The following PKHD1 variants were observed in gnomAD, a reference collection of about 807,000 sequenced individuals.
PKHD1 encodes the protein fibrocystin.
A neutral mutation model predicts 412.0 loss-of-function variants in PKHD1; 291 were observed. The ratio of observed to expected loss-of-function variants is 0.71; its 90% CI spans 0.64 to 0.78. The LOEUF is 0.78. PKHD1 is among the 30% of genes least tolerant of loss of function. The probability of loss-of-function intolerance (pLI) is 0.00; values close to 1 mark genes in which losing one functional copy is unlikely to be tolerated. For missense variants in PKHD1, 4,825 were observed against 4,950.7 expected (o/e 0.97, Z 0.76); for synonymous variants, 1,777 against 1,821.5 (o/e 0.98, Z 0.62).
chr6:51,703,886 CATAAAT>C (rs1028752268), intron 60 of PKHD1, among the ~76,000 whole-genome samples: 4 of 152,008 alleles, frequency 2.6e-5, no homozygotes, highest in Non-Finnish European at 5.9e-5. Flanking sequence ...TGGAAATAAA[CATAAAT>C]ATAAGTCAAG....
intron 40 of PKHD1, 27 bp downstream of exon 40, chr6:51,909,256 G>GA: frequency 6.4e-7 from 1 of 1,571,330 alleles, no homozygotes; most frequent in South Asian, 1.1e-5. Flanking sequence ...AGAAACATGA[G>GA]AAAGTCCTAG....
At chr6:51,652,197 T>C (rs1449881285) in intron 61 of PKHD1, among the ~76,000 whole-genome samples, 1 of 152,128 alleles carries the variant, frequency 6.6e-6, no homozygotes, top group Admixed American at 6.6e-5. Context: ...GATTTTTTTT[T>C]CTGCAATGCT....
intron 49 of PKHD1, among the ~76,000 whole-genome samples, chr6:51,855,051 G>A (rs1228118239): frequency 1.3e-5 from 2 of 152,226 alleles, no homozygotes; most frequent in Non-Finnish European, 2.9e-5. Flanking sequence ...GGTGGTGTGG[G>A]TTCGCGAGTG....
At chr6:52,080,461 A>G (rs149748419) in intron 4 of PKHD1, among the ~76,000 whole-genome samples, 4 of 152,340 alleles carry the variant, frequency 2.6e-5, no homozygotes, top group Non-Finnish European at 1.5e-5. Flanking sequence ...AGCCATCAAA[A>G]CAGAGTCTTG....
chr6:51,779,511 A>G (rs943240860), intron 53 of PKHD1, among the ~76,000 whole-genome samples: 4 of 152,170 alleles, frequency 2.6e-5, no homozygotes, highest in Non-Finnish European at 4.4e-5. Context: ...AGTGAGCGCA[A>G]GAAGAAACTA....
intron 60 of PKHD1, among the ~76,000 whole-genome samples, chr6:51,668,572 C>T (rs1774281687): frequency 6.6e-6 from 1 of 152,106 alleles, no homozygotes; most frequent in African/African-American, 2.4e-5. Context: ...GCCAGAACTT[C>T]CAACACTATG....
chr6:51,853,609 C>A (rs1004583908), intron 49 of PKHD1, among the ~76,000 whole-genome samples: 7 of 152,184 alleles, frequency 4.6e-5, no homozygotes, highest in African/African-American at 1.7e-4. Context: ...TTCTTGGAGA[C>A]CTTGTTCATT....
chr6:51,998,853 CTGCTGATTTACATTTA>C (rs1465126878), intron 35 of PKHD1, among the ~76,000 whole-genome samples: 1 of 152,040 alleles, frequency 6.6e-6, no homozygotes. Context: ...GCACACTTTT[CTGCTGATTTACATTTA>C]TGTTGGCTCC....
Position 51,810,500 on chromosome 6 carries a change from A to G in PKHD1, c.8303-19127T>C, listed in dbSNP as rs555109979. Among the ~76,000 whole-genome samples the G allele has an allele frequency of 3.9e-5, 6 of 152,286 alleles. No homozygotes were observed. The South Asian group carries it at 1.2e-3, about 32-fold the overall frequency. ...TTACCCTCAGTATCCCAAGTTTTCCAAGACTTGTGATTGGGAACCATAATA... is the reference window on the plus strand; with the variant it reads ...TTACCCTCAGTATCCCAAGTTTTCCGAGACTTGTGATTGGGAACCATAATA... On this transcript the variant is annotated intron_variant, in intron 52 of 66. Coordinates refer to ENST00000371117, the MANE Select transcript of PKHD1 (RefSeq NM_138694.4).
In PKHD1 at chr6:52,064,958, GCTGAGGGGTGGTGAGCCTCACATCTTTTC is replaced by G; in HGVS notation, c.944_972del (p.Gly315AlafsTer9). 6.3e-7 allele frequency: 1 copy of G among 1,586,302 alleles called. No homozygotes were observed. Among genetic ancestry groups the G allele is most frequent in the Non-Finnish European group, 8.6e-7 (1 of 1,161,078 alleles). On this transcript the variant is annotated frameshift_variant, in exon 13 of 67. Coordinates refer to ENST00000371117, the MANE Select transcript of PKHD1 (RefSeq NM_138694.4). LOFTEE classifies it high-confidence loss of function. ...ACAGCCCTGGTGGCTTCCTTACCTG[GCTGAGGGGTGGTGAGCCTCACATCTTTTC>G]CTGGAGCCCGAGTGGTGCACTCAAT...
intron 35 of PKHD1, among the ~76,000 whole-genome samples, chr6:51,981,470 T>C (rs1344406222): frequency 4.0e-5 from 6 of 151,674 alleles, no homozygotes; most frequent in African/African-American, 1.5e-4. Flanking sequence ...CTCAGCCTGC[T>C]ACGCCTCACT....
chr6:51,801,510 CCAT>C (rs1762904936), intron 52 of PKHD1, among the ~76,000 whole-genome samples: 1 of 99,508 alleles, frequency 1.0e-5, no homozygotes, highest in Admixed American at 1.2e-4. Context: ...TCTACTCTGC[CCAT>C]CATTTTTTTT....
intron 53 of PKHD1, among the ~76,000 whole-genome samples, chr6:51,783,631 G>C (rs1792394351): frequency 6.6e-6 from 1 of 151,896 alleles, no homozygotes; most frequent in South Asian, 2.1e-4. Context: ...TCATATAAGA[G>C]GAGACATTGA....
intron 35 of PKHD1, among the ~76,000 whole-genome samples, chr6:51,965,349 T>A (rs1305019911): frequency 6.6e-6 from 1 of 152,156 alleles, no homozygotes; most frequent in Non-Finnish European, 1.5e-5. Context: ...CATCGTTTTC[T>A]CTTTTTAATC....
intron 37 of PKHD1, among the ~76,000 whole-genome samples, chr6:51,923,581 C>G (rs898246802): frequency 6.7e-6 from 1 of 150,112 alleles, no homozygotes; most frequent in African/African-American, 2.5e-5. Flanking sequence ...AGTCTTTGTA[C>G]AGAAAAGAGT....
chr6:51,968,013 C>CT (rs1213614123), intron 35 of PKHD1, among the ~76,000 whole-genome samples: 4 of 151,936 alleles, frequency 2.6e-5, no homozygotes, highest in African/African-American at 9.7e-5. Flanking sequence ...ACCAGGAAAC[C>CT]TTTTTTTTCC....
chr6:51,744,919 T>C (rs1227692061), intron 59 of PKHD1, among the ~76,000 whole-genome samples: 1 of 152,138 alleles, frequency 6.6e-6, no homozygotes, highest in Non-Finnish European at 1.5e-5. Context: ...ATATTTATGC[T>C]ATATGCAAAG....
intron 44 of PKHD1, among the ~76,000 whole-genome samples, chr6:51,886,248 C>T (rs557093685): frequency 6.6e-6 from 1 of 152,298 alleles, no homozygotes; most frequent in East Asian, 1.9e-4. Context: ...TAATTGCTCT[C>T]TCTATTGAAT....
intron 33 of PKHD1, among the ~76,000 whole-genome samples, chr6:52,021,852 T>C (rs1354620177): frequency 6.6e-6 from 1 of 152,152 alleles, no homozygotes; most frequent in Admixed American, 6.6e-5. Flanking sequence ...TAAATTCTCA[T>C]CCAAGCTCAG....
Sources: allele counts gnomAD v4.1 joint callset (sites outside exome capture counted in the v4.1 genomes callset), GRCh38; gene constraint gnomAD v4.1.1; transcripts MANE v1.5; gene names NCBI Gene and HGNC (gene_info 2026-07-23, HGNC 2026-07-21).